SPART: variants seen among roughly 807,000 people sequenced by gnomAD.
The protein encoded by SPART is spastic paraplegia 20 (Troyer syndrome).
Under a neutral mutation model 58.7 loss-of-function variants are expected in SPART, and 35 were observed. The observed-to-expected ratio is 0.60, with a 90% CI of 0.46 to 0.79. SPART has a LOEUF of 0.79. SPART is among the 30% of genes least tolerant of loss of function. SPART has a pLI of 0.00. For synonymous variants in SPART, 284 were observed against 280.7 expected (o/e 1.01, Z -0.12); for missense variants, 730 against 786.1 (o/e 0.93, Z 0.85).
intron 1 of SPART, among the ~76,000 whole-genome samples, chr13:36,337,098 A>G (rs7996870): frequency 0.25 from 38,369 of 152,180 alleles, 5,163 homozygotes; most frequent in East Asian, 0.51. Flanking sequence ...AGTGGTCCCC[A>G]CTTATGTATA....
At chr13:36,339,343 G>C (rs1012957202) in intron 1 of SPART, among the ~76,000 whole-genome samples, 2 of 151,864 alleles carry the variant, frequency 1.3e-5, no homozygotes, top group Admixed American at 6.6e-5. Flanking sequence ...AGAAAATTAG[G>C]ACCCAGTCTA....
chr13:36,328,441 G>C (rs1366531169), intron 4 of SPART, among the ~76,000 whole-genome samples: 1 of 152,056 alleles, frequency 6.6e-6, no homozygotes, highest in African/African-American at 2.4e-5. Flanking sequence ...TATCCTTCAA[G>C]ACTCATTTTA....
Position 36,304,015 on chromosome 13 carries a change from C to A in SPART, c.*350G>T. The A allele has an allele frequency of 3.9e-6, 1 of 255,028 alleles. No homozygotes were observed. The highest frequency in any genetic ancestry group is 7.5e-6 in the Non-Finnish European group (1 of 132,566). The allele number at this position is 255,028 out of a possible 1,614,324, so 15.8% of individuals were successfully genotyped here. ...AATTTTTAAGCAAATATATAGTTTCCTATTTGCCTTCTGAAAGACAGCAGA... is the reference window on the plus strand; with the variant it reads ...AATTTTTAAGCAAATATATAGTTTCATATTTGCCTTCTGAAAGACAGCAGA... On this transcript the variant is annotated 3_prime_UTR_variant, in exon 9 of 9. Transcript: ENST00000438666.
intron 7 of SPART, 28 bp downstream of exon 7, chr13:36,312,291 A>G (rs1881205481): frequency 1.9e-6 from 3 of 1,614,032 alleles, no homozygotes; most frequent in East Asian, 4.5e-5. Flanking sequence ...ACGGACCTTC[A>G]TAGTTAAAAT....
intron 5 of SPART, among the ~76,000 whole-genome samples, chr13:36,323,847 GAA>G (rs972521144): frequency 1.8e-4 from 27 of 152,156 alleles, no homozygotes; most frequent in Admixed American, 7.2e-4. Flanking sequence ...GAATAAAAAG[GAA>G]AAGAGGTACT....
In SPART at chr13:36,335,850, T is replaced by C. The variant is rs376304617; in HGVS notation, c.-2-18A>G. The C allele has an allele frequency of 3.2e-6, 5 of 1,580,920 alleles. No homozygotes were observed. The African/African-American group carries it at 6.7e-5, about 21-fold the overall frequency. On this transcript the variant is annotated intron_variant, in intron 1 of 8. Coordinates refer to ENST00000438666, the MANE Select transcript of SPART (RefSeq NM_015087.5). ...CTCCATTTCTGCAAAATTGGAGACATATTTAATTATCTTGCTTAGCTATTG... is the reference window on the plus strand; with the variant it reads ...CTCCATTTCTGCAAAATTGGAGACACATTTAATTATCTTGCTTAGCTATTG...
intron 5 of SPART, among the ~76,000 whole-genome samples, chr13:36,315,489 G>C (rs1881597511): frequency 6.6e-6 from 1 of 152,186 alleles, no homozygotes; most frequent in Non-Finnish European, 1.5e-5. Context: ...CAGCAATCAT[G>C]TGAAAACCAC....
At chr13:36,311,812 G>C (rs979662190) in intron 8 of SPART, among the ~76,000 whole-genome samples, 1 of 152,216 alleles carries the variant, frequency 6.6e-6, no homozygotes, top group African/African-American at 2.4e-5. Flanking sequence ...AGTCCGCCAG[G>C]CATGGTGGCT....
rs776989760 is a variant in SPART, at chr13:36,331,443, G to C, written c.964C>G (p.Leu322Val). The C allele has an allele frequency of 1.2e-6, 2 of 1,614,042 alleles. No homozygotes were observed. The highest frequency in any genetic ancestry group is 3.3e-5 in the Admixed American group (2 of 60,008). Residue 322 changes from leucine (L) to valine (V), a missense_variant, in exon 3 of 9, where the codon CTC becomes GTC. Leu to Val is a conservative substitution (Grantham distance 32). Coordinates refer to ENST00000438666, the MANE Select transcript of SPART (RefSeq NM_015087.5). ...SSELPEDDRE[L>V]FEDLLRQMSD... ...ATTTGCCTTAACAGATCCTCAAAGA[G>C]CTCTCTATCATCCTCTGGTAACTCA...
intron 1 of SPART, among the ~76,000 whole-genome samples, chr13:36,355,576 T>TG (rs995258312): frequency 2.0e-4 from 31 of 152,236 alleles, no homozygotes; most frequent in Admixed American, 1.6e-3. Context: ...ATATGTTACT[T>TG]GCAACAAAGC....
In SPART at chr13:36,303,650, G is replaced by A. The variant is rs541775963; in HGVS notation, c.*715C>T. ...CAATTAAGCTGATAATAATCACTTC[G>A]AATTTTAATACAATACAATCATGTT... is the stretch of plus-strand genomic sequence containing the variant. On this transcript the variant is annotated 3_prime_UTR_variant, in exon 9 of 9. Coordinates refer to ENST00000438666, the MANE Select transcript of SPART (RefSeq NM_015087.5). 6 of 152,232 alleles carry A rather than the reference G, an allele frequency of 3.9e-5. No individual in the cohort carries two copies. The highest frequency in any genetic ancestry group is 4.2e-4 in the South Asian group (2 of 4,816). 9.4% of individuals were successfully genotyped at this position (152,232 alleles called of 1,614,324 possible). A position where few individuals can be genotyped will look rare whatever the true frequency, so the allele number is the denominator to read the frequency against.
chr13:36,326,301 T>A (rs570516343), intron 5 of SPART: 1 of 424,846 alleles, frequency 2.4e-6, no homozygotes, highest in South Asian at 2.2e-5. Context: ...TAATTTTAGA[T>A]TCAGAACTAT....
chr13:36,336,314 A>G (rs1883998077), intron 1 of SPART: 1 of 157,216 alleles, frequency 6.4e-6, no homozygotes. Flanking sequence ...GTGGCAGGTT[A>G]CCCCACACAG....
At chr13:36,350,223 GAATTCCTTA>G (rs1461948023), upstream of SPART, among the ~76,000 whole-genome samples, 1 of 152,138 alleles carries the variant, frequency 6.6e-6, no homozygotes, top group Non-Finnish European at 1.5e-5. Context: ...GGGCTTCCCC[GAATTCCTTA>G]GAACACATTC....
At chr13:36,350,365 G>A (rs1885362961), upstream of SPART, among the ~76,000 whole-genome samples, 1 of 152,166 alleles carries the variant, frequency 6.6e-6, no homozygotes, top group South Asian at 2.1e-4. Context: ...GGTGGACACT[G>A]ACATTTTCCA....
At chr13:36,356,980 C>T (rs1280174268) in intron 1 of SPART, among the ~76,000 whole-genome samples, 2 of 152,180 alleles carry the variant, frequency 1.3e-5, no homozygotes, top group Non-Finnish European at 2.9e-5. Flanking sequence ...ATCCCTCAAA[C>T]CTATTTTCCC....
chr13:36,353,861 T>G (rs1452219322), intron 1 of SPART, among the ~76,000 whole-genome samples: 1 of 152,228 alleles, frequency 6.6e-6, no homozygotes, highest in Admixed American at 6.5e-5. Flanking sequence ...AGTGGTCTTG[T>G]CTGACATGCA....
At chr13:36,359,941 A>AAC (rs1555266137) in intron 1 of SPART, among the ~76,000 whole-genome samples, 2 of 151,266 alleles carry the variant, frequency 1.3e-5, no homozygotes, top group African/African-American at 4.9e-5. Context: ...AAAAAAAAAA[A>AAC]ACACCTCTTT....
intron 1 of SPART, among the ~76,000 whole-genome samples, chr13:36,354,185 G>A (rs555790089): frequency 1.6e-4 from 24 of 151,996 alleles, no homozygotes; most frequent in African/African-American, 5.5e-4. Context: ...TGTAGGTAGA[G>A]GACTATAACA....
Sources: allele counts gnomAD v4.1 joint callset (sites outside exome capture counted in the v4.1 genomes callset), GRCh38; gene constraint gnomAD v4.1.1; transcripts MANE v1.5; gene names NCBI Gene and HGNC (gene_info 2026-07-23, HGNC 2026-07-21).